The following ATXN7L1 variants were observed in gnomAD, a reference collection of about 807,000 sequenced individuals.
ATXN7L1 encodes ataxin 7 like 1, also known as ataxin-7-like protein 1.
In ATXN7L1, 15 loss-of-function variants were observed where a neutral mutation model predicts 70.8. That is an observed-to-expected ratio of 0.21 (90% confidence interval 0.14 to 0.33). The LOEUF (loss-of-function observed/expected upper bound fraction) is 0.33. Among genes scored for constraint, ATXN7L1 ranks in the 10% least tolerant of loss-of-function variants. ATXN7L1 has a pLI of 1.00. For missense variants in ATXN7L1, 975 were observed against 1,097.1 expected (o/e 0.89, Z 1.57); for synonymous variants, 440 against 445.1 (o/e 0.99, Z 0.14).
intron 11 of ATXN7L1, 33 bp downstream of exon 11, chr7:105,610,496 A>G: frequency 6.7e-7 from 1 of 1,500,942 alleles, no homozygotes; most frequent in Non-Finnish European, 9.1e-7. Context: ...GACCATATGA[A>G]TTTTTGCCCC....
intron 3 of ATXN7L1, among the ~76,000 whole-genome samples, chr7:105,693,562 T>C (rs139516319): frequency 2.9e-5 from 3 of 105,220 alleles, no homozygotes; most frequent in African/African-American, 1.0e-4. Flanking sequence ...CATCCATCCA[T>C]CCATCCATCC....
At chr7:105,716,665 GCACACACACACACA>G (rs58217531) in intron 3 of ATXN7L1, among the ~76,000 whole-genome samples, 1,703 of 125,562 alleles carry the variant, frequency 0.014, 15 homozygotes, top group South Asian at 0.028. Flanking sequence ...ACCTATCTCT[GCACACACACACACA>G]CACACACACA....
intron 3 of ATXN7L1, among the ~76,000 whole-genome samples, chr7:105,704,586 T>C (rs78736131): frequency 0.011 from 780 of 70,108 alleles, 8 homozygotes; most frequent in South Asian, 0.028. Flanking sequence ...TTTTATCTCT[T>C]TTTTTTTTTT....
chr7:105,846,639 T>A (rs962193738), intron 2 of ATXN7L1, among the ~76,000 whole-genome samples: 3 of 152,118 alleles, frequency 2.0e-5, no homozygotes, highest in Non-Finnish European at 2.9e-5. Context: ...AGAAAACATA[T>A]GTCCACAAAA....
chr7:105,608,549 C>T (rs1792882861), intron 11 of ATXN7L1, among the ~76,000 whole-genome samples: 1 of 152,126 alleles, frequency 6.6e-6, no homozygotes. Flanking sequence ...TGGGCACATG[C>T]AGGCTGTGTT....
intron 2 of ATXN7L1, among the ~76,000 whole-genome samples, chr7:105,815,335 T>C (rs572087922): frequency 3.3e-5 from 5 of 152,044 alleles, no homozygotes; most frequent in Non-Finnish European, 7.4e-5. Context: ...TTATTAAGAG[T>C]TGTGTGATTT....
intron 3 of ATXN7L1, chr7:105,691,559 CAG>C (rs1790838746): frequency 6.6e-6 from 1 of 150,788 alleles, no homozygotes; most frequent in African/African-American, 2.4e-5. Flanking sequence ...AAACCACTTA[CAG>C]AGAGACTCAG....
intron 3 of ATXN7L1, among the ~76,000 whole-genome samples, chr7:105,758,879 C>A (rs1800144962): frequency 6.6e-6 from 1 of 152,172 alleles, no homozygotes; most frequent in Non-Finnish European, 1.5e-5. Context: ...GTAAAAAAGG[C>A]CCTTGATTTG....
intron 3 of ATXN7L1, among the ~76,000 whole-genome samples, chr7:105,742,065 C>T (rs763976225): frequency 7.2e-5 from 11 of 152,152 alleles, no homozygotes; most frequent in Non-Finnish European, 1.5e-4. Flanking sequence ...TATGGTAGCC[C>T]TCGCAAACTA....
At chr7:105,619,925 G>A (rs1794680666) in intron 9 of ATXN7L1, among the ~76,000 whole-genome samples, 1 of 151,998 alleles carries the variant, frequency 6.6e-6, no homozygotes, top group Admixed American at 6.6e-5. Context: ...TAGGTAAACA[G>A]ACAATATATT....
chr7:105,720,707 C>T (rs1227250126), intron 3 of ATXN7L1, among the ~76,000 whole-genome samples: 2 of 152,024 alleles, frequency 1.3e-5, no homozygotes, highest in Non-Finnish European at 2.9e-5. Context: ...CTAGGCTCAG[C>T]GATCCTCCAG....
chr7:105,869,636 T>G (rs913617751), intron 2 of ATXN7L1, among the ~76,000 whole-genome samples: 4 of 152,186 alleles, frequency 2.6e-5, no homozygotes, highest in Admixed American at 1.3e-4. Context: ...CAAACTCTTA[T>G]AGTCACAGCA....
At chr7:105,701,161 A>G (rs567003) in intron 3 of ATXN7L1, among the ~76,000 whole-genome samples, 109,307 of 152,070 alleles carry the variant, frequency 0.72, 39,909 homozygotes, top group East Asian at 0.95. Context: ...TAGATACTGT[A>G]CCCCTAGACA....
chr7:105,700,379 C>T (rs879314258), intron 3 of ATXN7L1, among the ~76,000 whole-genome samples: 15 of 151,822 alleles, frequency 9.9e-5, no homozygotes, highest in Non-Finnish European at 1.8e-4. Flanking sequence ...TGGTGGCATG[C>T]TCCTGTTGTC....
At chr7:105,654,996 A>C (rs575612562) in intron 4 of ATXN7L1, among the ~76,000 whole-genome samples, 1 of 150,450 alleles carries the variant, frequency 6.6e-6, no homozygotes, top group Admixed American at 6.7e-5. Context: ...TGCCCGCTTC[A>C]GTCTCCCAAA....
intron 2 of ATXN7L1, among the ~76,000 whole-genome samples, chr7:105,870,236 C>T (rs895942948): frequency 2.7e-5 from 4 of 148,360 alleles, no homozygotes; most frequent in African/African-American, 5.0e-5. Context: ...GAGCTGAGAT[C>T]GCACCACTGC....
intron 3 of ATXN7L1, among the ~76,000 whole-genome samples, chr7:105,733,517 C>CAT (rs1796828625): frequency 1.9e-5 from 1 of 52,560 alleles, no homozygotes. Context: ...CATCCATCCA[C>CAT]CCATCCATCC....
intron 2 of ATXN7L1, among the ~76,000 whole-genome samples, chr7:105,852,981 T>C (rs933937538): frequency 5.3e-5 from 8 of 151,934 alleles, no homozygotes; most frequent in Non-Finnish European, 1.0e-4. Context: ...AATCCCCTTA[T>C]ATGAGGGGAA....
intron 7 of ATXN7L1, among the ~76,000 whole-genome samples, chr7:105,625,290 G>A (rs995696373): frequency 3.9e-5 from 6 of 152,148 alleles, no homozygotes; most frequent in African/African-American, 2.4e-5. Context: ...TCACTCTGTC[G>A]CCCAGGCTGG....
Sources: gnomAD v4.1 joint callset for allele counts (sites outside exome capture counted in the v4.1 genomes callset) on GRCh38, gnomAD v4.1.1 for gene constraint, MANE v1.5 for transcripts, NCBI Gene and HGNC (gene_info 2026-07-23, HGNC 2026-07-21) for gene names.